Variants in DPP6 observed in about 807,000 individuals in gnomAD.
The protein encoded by DPP6 is dipeptidyl peptidase like 6, also known as A-type potassium channel modulatory protein DPP6.
A neutral mutation model predicts 122.6 loss-of-function variants in DPP6; 69 were observed. The observed-to-expected ratio is 0.56, with a 90% CI of 0.46 to 0.69. The LOEUF (loss-of-function observed/expected upper bound fraction) is 0.69, where lower values mean the gene tolerates loss of function less well. DPP6 is among the 30% of genes least tolerant of loss of function. The probability of loss-of-function intolerance (pLI) is 0.00; values close to 1 mark genes in which losing one functional copy is unlikely to be tolerated. For synonymous variants in DPP6, 418 were observed against 433.1 expected, an observed-to-expected ratio of 0.97 and a Z score of 0.43; for missense variants, 928 against 1,116.9, an observed-to-expected ratio of 0.83 and a Z score of 2.41.
intron 10 of DPP6, among the ~76,000 whole-genome samples, chr7:154,782,426 G>A (rs1797084390): frequency 2.0e-5 from 3 of 152,230 alleles, no homozygotes; most frequent in East Asian, 1.9e-4. Flanking sequence ...CCAGCCTTAT[G>A]TTAAAAAATG....
At chr7:154,050,525 G>A (rs1800247560), upstream of DPP6, among the ~76,000 whole-genome samples, 1 of 151,834 alleles carries the variant, frequency 6.6e-6, no homozygotes, top group African/African-American at 2.4e-5. Flanking sequence ...AATAGCATGA[G>A]CTTTCTTTCA....
At chr7:154,355,821 C>T (rs1811228271) in intron 1 of DPP6, among the ~76,000 whole-genome samples, 2 of 152,110 alleles carry the variant, frequency 1.3e-5, no homozygotes, top group Non-Finnish European at 2.9e-5. Flanking sequence ...ATTCTTTGCC[C>T]TTTACGTTTT....
chr7:154,029,714 C>T (rs1292086710), intron 1 of DPP6, among the ~76,000 whole-genome samples: 1 of 148,896 alleles, frequency 6.7e-6, no homozygotes, highest in East Asian at 2.0e-4. Context: ...GGCATGGTGG[C>T]GGGCGCCTGT....
intron 4 of DPP6, among the ~76,000 whole-genome samples, chr7:154,552,206 A>G (rs1829690252): frequency 6.6e-6 from 1 of 152,204 alleles, no homozygotes; most frequent in South Asian, 2.1e-4. Context: ...CCTGCTTTCC[A>G]TCGTGATTGT....
intron 6 of DPP6, among the ~76,000 whole-genome samples, chr7:154,638,169 TC>T: frequency 6.6e-6 from 1 of 152,228 alleles, no homozygotes; most frequent in East Asian, 1.9e-4. Context: ...AGCCGGACAT[TC>T]CCCTCTGCTT....
At chr7:153,773,475 CCT>C in the DPP6 span, among the ~76,000 whole-genome samples, 1 of 150,232 alleles carries the variant, frequency 6.7e-6, no homozygotes, top group African/African-American at 2.5e-5. Flanking sequence ...ATAAAATAAA[CCT>C]CACCAAATCT....
At chr7:154,694,216 C>T (rs2131232084) in intron 7 of DPP6, among the ~76,000 whole-genome samples, 1 of 152,268 alleles carries the variant, frequency 6.6e-6, no homozygotes, top group East Asian at 1.9e-4. Flanking sequence ...ATGACGTGAT[C>T]ATTTCCCAAA....
chr7:153,953,148 T>C (rs1802299477), intron 1 of DPP6, among the ~76,000 whole-genome samples: 1 of 152,198 alleles, frequency 6.6e-6, no homozygotes, highest in Admixed American at 6.5e-5. Flanking sequence ...CCATTATCTT[T>C]TAAAAAAATT....
chr7:154,490,951 A>C (rs1206402137), intron 3 of DPP6, among the ~76,000 whole-genome samples: 1 of 152,212 alleles, frequency 6.6e-6, no homozygotes, highest in Non-Finnish European at 1.5e-5. Context: ...CTGTATGACT[A>C]TACTGTAGGT....
chr7:154,478,740 G>T (rs181433906), intron 3 of DPP6, among the ~76,000 whole-genome samples: 22 of 152,210 alleles, frequency 1.4e-4, no homozygotes, highest in Non-Finnish European at 2.6e-4. Flanking sequence ...TAAAATTCAG[G>T]TCTCCTGCCA....
At chr7:154,180,442 CATTT>C (rs1227092549) in intron 1 of DPP6, among the ~76,000 whole-genome samples, 1 of 140,992 alleles carries the variant, frequency 7.1e-6, no homozygotes, top group Admixed American at 7.2e-5. Context: ...TATATATACA[CATTT>C]ATATATTATA....
chr7:153,855,189 GTAAC>G, the DPP6 span, among the ~76,000 whole-genome samples: 17 of 150,694 alleles, frequency 1.1e-4, no homozygotes, highest in Middle Eastern at 3.4e-3. Flanking sequence ...GTATACATAT[GTAAC>G]TAACCTGCAC....
At chr7:154,085,556 T>A (rs1804348140) in intron 1 of DPP6, among the ~76,000 whole-genome samples, 1 of 152,202 alleles carries the variant, frequency 6.6e-6, no homozygotes, top group Non-Finnish European at 1.5e-5. Context: ...GTTGTACTCC[T>A]TGTTTTCTGG....
At chr7:153,947,986 T>G (rs1157832512) in intron 1 of DPP6, among the ~76,000 whole-genome samples, 1 of 152,164 alleles carries the variant, frequency 6.6e-6, no homozygotes, top group Non-Finnish European at 1.5e-5. Flanking sequence ...TGCCAGTCTG[T>G]GTCCACATTT....
At chr7:154,516,502 G>C (rs908140277) in intron 3 of DPP6, among the ~76,000 whole-genome samples, 1 of 152,140 alleles carries the variant, frequency 6.6e-6, no homozygotes, top group South Asian at 2.1e-4. Context: ...AATCATGAAA[G>C]ACATATATTA....
chr7:154,196,119 C>T (rs1798854684), intron 1 of DPP6, among the ~76,000 whole-genome samples: 1 of 152,210 alleles, frequency 6.6e-6, no homozygotes, highest in Non-Finnish European at 1.5e-5. Flanking sequence ...CTGTGTTTCC[C>T]CACAGAGCTG....
intron 1 of DPP6, among the ~76,000 whole-genome samples, chr7:154,151,194 G>A (rs1585496186): frequency 2.0e-5 from 3 of 152,140 alleles, no homozygotes; most frequent in South Asian, 2.1e-4. Flanking sequence ...CCCACCTGCC[G>A]GCATTAGACC....
At chr7:153,797,345 G>A in the DPP6 span, among the ~76,000 whole-genome samples, 1,245 of 152,222 alleles carry the variant, frequency 8.2e-3, 15 homozygotes, top group African/African-American at 0.028. Flanking sequence ...AGAAGAAAAC[G>A]GGGAAAGTAA....
chr7:154,514,822 C>T (rs1826361953), intron 3 of DPP6, among the ~76,000 whole-genome samples: 1 of 152,148 alleles, frequency 6.6e-6, no homozygotes, highest in Non-Finnish European at 1.5e-5. Flanking sequence ...ACTTTTTGGC[C>T]ATTGTAAATG....
Sources: allele counts gnomAD v4.1 joint callset (sites outside exome capture counted in the v4.1 genomes callset), GRCh38; gene constraint gnomAD v4.1.1; transcripts MANE v1.5; gene names NCBI Gene and HGNC (gene_info 2026-07-23, HGNC 2026-07-21).